Variants in TRIM40 observed in about 807,000 individuals in gnomAD.
TRIM40 encodes E3 ubiquitin ligase TRIM40.
Under a neutral mutation model 26.1 loss-of-function variants are expected in TRIM40, and 27 were observed. The ratio of observed to expected loss-of-function variants is 1.04; its 90% CI spans 0.76 to 1.43. TRIM40 has a LOEUF of 1.43. Among genes scored for constraint, TRIM40 ranks in the 40% most tolerant of loss-of-function variants. The pLI is 0.00. For missense variants in TRIM40, 289 were observed against 307.9 expected (o/e 0.94, Z 0.46); for synonymous variants, 114 against 120.0 (o/e 0.95, Z 0.33).
intron 2 of TRIM40, among the ~76,000 whole-genome samples, chr6:30,144,406 G>A (rs1771527286): frequency 1.3e-5 from 2 of 152,174 alleles, no homozygotes. Context: ...GCAGTAGGCA[G>A]CACTTAGCTC....
chr6:30,146,782 A>C (rs1333118710), intron 3 of TRIM40, among the ~76,000 whole-genome samples: 1 of 152,176 alleles, frequency 6.6e-6, no homozygotes, highest in African/African-American at 2.4e-5. Context: ...ATCTGTAGAT[A>C]TTCAGAGAGT....
chr6:30,146,207 G>A (rs1771637115), intron 3 of TRIM40, 118 bp downstream of exon 3: 1 of 862,750 alleles, frequency 1.2e-6, no homozygotes, highest in Non-Finnish European at 1.8e-6. Flanking sequence ...TGGTCGTGGA[G>A]GCTGAAAACC....
chr6:30,139,690 T>C (rs1771229106), intron 2 of TRIM40, among the ~76,000 whole-genome samples: 2 of 152,092 alleles, frequency 1.3e-5, no homozygotes, highest in Non-Finnish European at 2.9e-5. Flanking sequence ...ATTTGGTCAG[T>C]GAGGGCCTCA....
intron 2 of TRIM40, among the ~76,000 whole-genome samples, chr6:30,144,861 T>C (rs1377789795): frequency 1.3e-5 from 2 of 152,176 alleles, no homozygotes; most frequent in Non-Finnish European, 2.9e-5. Context: ...CACAAACAGT[T>C]CCACACCAGC....
intron 2 of TRIM40, among the ~76,000 whole-genome samples, chr6:30,143,280 A>G (rs1771456485): frequency 6.6e-6 from 1 of 152,136 alleles, no homozygotes. Context: ...GATTCAAATG[A>G]GATTCTTTGC....
At chr6:30,146,744 A>G (rs1771687493) in intron 3 of TRIM40, among the ~76,000 whole-genome samples, 1 of 152,100 alleles carries the variant, frequency 6.6e-6, no homozygotes, top group Non-Finnish European at 1.5e-5. Flanking sequence ...CTGACAGTCT[A>G]CCTTTCTATT....
intron 4 of TRIM40, 68 bp from the exon 5 acceptor site, chr6:30,147,452 G>A: frequency 1.2e-6 from 2 of 1,611,450 alleles, no homozygotes; most frequent in Non-Finnish European, 1.7e-6. Context: ...AGAGTGAATT[G>A]GGAAAGGAAT....
At position 30,137,048 on chromosome 6, in the gene TRIM40, G is replaced by A. The variant is rs1771044110; in HGVS notation, c.12G>A (p.Leu4=). The A allele has an allele frequency of 2.5e-6, 4 of 1,612,604 alleles. No individual in the cohort carries two copies. The highest frequency in any genetic ancestry group is 1.3e-5 in the African/African-American group (1 of 74,936). MIP[L]QKDNQEEGVC... is the part of the protein sequence containing the mutation. ...GTAGGAACGAGGCCATGATCCCTTT[G>A]CAGAAGGACAACCAGGAGGAGGGTG... The change falls in exon 2 of 6, where the codon TTG becomes TTA. Residue 4 remains leucine (L), a synonymous_variant. Transcript: ENST00000396581.
chr6:30,139,822 C>T (rs1771241558), intron 2 of TRIM40, among the ~76,000 whole-genome samples: 2 of 152,054 alleles, frequency 1.3e-5, no homozygotes, highest in East Asian at 3.9e-4. Flanking sequence ...AAGAATTTAT[C>T]ATTAGAGTTT....
At chr6:30,142,098 G>A (rs972989739) in intron 2 of TRIM40, among the ~76,000 whole-genome samples, 1 of 145,250 alleles carries the variant, frequency 6.9e-6, no homozygotes, top group Non-Finnish European at 1.6e-5. Context: ...TGAAATTAAG[G>A]AGGGTTTTTT....
At position 30,147,013 on chromosome 6, in the gene TRIM40, T is replaced by C. The variant is rs553907771; in HGVS notation, c.470T>C (p.Leu157Pro). The change falls in exon 4 of 6, where the codon CTG (leucine) becomes CCG (proline). Residue 157 changes from leucine (L) to proline (P), a missense_variant. Leu to Pro is a moderately conservative substitution (Grantham distance 98). Transcript: ENST00000396581. ...CAGGTAGACCACGGGAACCACAGGC[T>C]GGAGGCTGGGCCGGAGAGCCAGCAC... is the stretch of plus-strand genomic sequence containing the variant. ...QFQVDHGNHR[L>P]EAGPESQHQT... is the part of the protein sequence containing the mutation. 6.8e-6 allele frequency: 11 copies of C among 1,607,390 alleles called. No homozygotes were observed. The highest frequency in any genetic ancestry group is 3.4e-5 in the Admixed American group (2 of 58,942).
chr6:30,142,401 G>A (rs1771399321), intron 2 of TRIM40, among the ~76,000 whole-genome samples: 1 of 152,156 alleles, frequency 6.6e-6, no homozygotes, highest in Non-Finnish European at 1.5e-5. Context: ...TTTTATCCAT[G>A]AAGACTCGCT....
chr6:30,143,531 A>G (rs1771474477), intron 2 of TRIM40, among the ~76,000 whole-genome samples: 1 of 150,544 alleles, frequency 6.6e-6, no homozygotes, highest in Admixed American at 6.6e-5. Context: ...GAACAAATTT[A>G]ATGCCCTTTT....
Position 30,147,771 on chromosome 6 carries a change from G to C in TRIM40, c.736G>C (p.Gly246Arg). The stretch of plus-strand genomic sequence containing the variant: ...GGTTATTTATCCCCAGTTGGAGAAA[G>C]GAGTCAGTGAATTGCTTCTTCAGCC... ...LEVIYPQLEK[G>R]VSELLLQPPQ... is the part of the protein sequence containing the mutation. The change falls in exon 6 of 6, where the codon GGA becomes CGA. Residue 246 changes from glycine (G) to arginine (R), a missense_variant. Physicochemically the swap from Gly to Arg is moderately radical, Grantham distance 125. Coordinates refer to ENST00000396581, the MANE Select transcript of TRIM40 (RefSeq NM_001286633.2). 6.2e-7 allele frequency: 1 copy of C among 1,614,198 alleles called. No homozygotes were observed. The highest frequency in any genetic ancestry group is 8.5e-7 in the Non-Finnish European group (1 of 1,180,028).
intron 2 of TRIM40, among the ~76,000 whole-genome samples, chr6:30,141,956 C>T (rs551020211): frequency 6.6e-6 from 1 of 152,220 alleles, no homozygotes; most frequent in East Asian, 1.9e-4. Context: ...GGTGATGGTA[C>T]ATTTTACCAT....
At chr6:30,141,622 G>A (rs1054207128) in intron 2 of TRIM40, among the ~76,000 whole-genome samples, 1 of 152,194 alleles carries the variant, frequency 6.6e-6, no homozygotes, top group Non-Finnish European at 1.5e-5. Context: ...GAGCTGAGTT[G>A]GGAGGAGGCA....
chr6:30,141,557 A>G (rs1771344893), intron 2 of TRIM40, among the ~76,000 whole-genome samples: 1 of 152,146 alleles, frequency 6.6e-6, no homozygotes, highest in African/African-American at 2.4e-5. Flanking sequence ...AAGAGATTAT[A>G]ATAGATTGCA....
At chr6:30,140,500 CGTAA>C (rs1178131257) in intron 2 of TRIM40, among the ~76,000 whole-genome samples, 2 of 151,836 alleles carry the variant, frequency 1.3e-5, no homozygotes, top group East Asian at 1.9e-4. Flanking sequence ...TGTTCTCACT[CGTAA>C]GTGAGAGTTG....
chr6:30,136,731 A>C lies in TRIM40; in HGVS notation c.-304-2A>C. 1 of 437,374 alleles carries C rather than the reference A, an allele frequency of 2.3e-6. No homozygotes were observed. The highest frequency in any genetic ancestry group is 4.1e-6 in the Non-Finnish European group (1 of 246,698). 27.1% of individuals were successfully genotyped at this position (437,374 alleles called of 1,614,324 possible). ...GGTTATTGAATCACTTGCTTCCTCT[A>C]GGTGTATGAAAAATAATTTCAAGTT... On this transcript the variant is annotated splice_acceptor_variant, in intron 1 of 5. Coordinates refer to ENST00000396581, the MANE Select transcript of TRIM40 (RefSeq NM_001286633.2). LOFTEE classifies it low-confidence loss of function (5UTR_SPLICE).
Sources: gnomAD v4.1 joint callset for allele counts (sites outside exome capture counted in the v4.1 genomes callset) on GRCh38, gnomAD v4.1.1 for gene constraint, MANE v1.5 for transcripts, NCBI Gene and HGNC (gene_info 2026-07-23, HGNC 2026-07-21) for gene names.